Variants in BFAR observed in about 807,000 individuals in gnomAD.
The protein encoded by BFAR is bifunctional apoptosis regulator, also known as RING finger protein 47.
Under a neutral mutation model 54.4 loss-of-function variants are expected in BFAR, and 52 were observed. That is an observed-to-expected ratio of 0.96 (90% CI 0.77 to 1.21). The LOEUF is 1.21. Ranked by LOEUF, BFAR falls within the 50% of genes most tolerant of loss-of-function variation. BFAR has a pLI of 0.00. For synonymous variants in BFAR, 215 were observed against 204.3 expected (o/e 1.05, Z -0.45); for missense variants, 571 against 534.0 (o/e 1.07, Z -0.68).
At chr16:14,640,652 G>A (rs374738792) in intron 1 of BFAR, among the ~76,000 whole-genome samples, 78 of 152,330 alleles carry the variant, frequency 5.1e-4, no homozygotes, top group African/African-American at 1.8e-3. Flanking sequence ...CCAGGACACG[G>A]AAGATGGATG....
At position 14,661,875 on chromosome 16, in the gene BFAR, ACTCTT is replaced by A. The variant is rs768118496; in HGVS notation, c.784-13_784-9del. The A allele has an allele frequency of 1.2e-6, 2 of 1,613,572 alleles. No homozygotes were observed. Among genetic ancestry groups the A allele is most frequent in the Non-Finnish European group, 1.7e-6 (2 of 1,179,764 alleles). The stretch of plus-strand genomic sequence containing the variant: ...CGCCATGGTTGTAATGTGGCCCTGT[ACTCTT>A]CTCCTCTGCAGGCTGTGAACCCAGG... On this transcript the variant is annotated splice_polypyrimidine_tract_variant and intron_variant, in intron 5 of 7. Transcript: ENST00000261658.
intron 5 of BFAR, among the ~76,000 whole-genome samples, chr16:14,655,855 T>G (rs1321097166): frequency 6.6e-6 from 1 of 152,218 alleles, no homozygotes; most frequent in Admixed American, 6.5e-5. Context: ...GCATCTGCTC[T>G]TTAAGCCAGC....
Position 14,668,998 on chromosome 16 carries a change from C to T in BFAR, c.*1171C>T. On this transcript the variant is annotated 3_prime_UTR_variant, in exon 8 of 8. Transcript: ENST00000261658. The stretch of plus-strand genomic sequence containing the variant: ...CCAAGCGCTATAGTTATAAATATGG[C>T]ATGAAGTGAACTATGGCCTTTTATT... 2.2e-6 allele frequency: 1 copy of T among 449,436 alleles called. No homozygotes were observed. The highest frequency in any genetic ancestry group is 1.6e-5 in the South Asian group (1 of 63,148). The allele number at this position is 449,436 out of a possible 1,614,324, so 27.8% of individuals were successfully genotyped here. A position where few individuals can be genotyped will look rare whatever the true frequency, so the allele number is the denominator to read the frequency against.
At chr16:14,642,035 C>A (rs930127531) in intron 1 of BFAR, among the ~76,000 whole-genome samples, 1 of 152,100 alleles carries the variant, frequency 6.6e-6, no homozygotes, top group Non-Finnish European at 1.5e-5. Context: ...TGAGCCTCAC[C>A]GCTGGTAAAT....
intron 1 of BFAR, among the ~76,000 whole-genome samples, chr16:14,637,275 A>T (rs1268218928): frequency 6.6e-6 from 1 of 152,174 alleles, no homozygotes; most frequent in Non-Finnish European, 1.5e-5. Context: ...TAAAGGAGTA[A>T]ATCAGTCCTT....
chr16:14,660,966 C>T (rs553227368), intron 5 of BFAR, among the ~76,000 whole-genome samples: 4 of 152,144 alleles, frequency 2.6e-5, no homozygotes, highest in Non-Finnish European at 4.4e-5. Context: ...GAACTCCTGG[C>T]CTCAAGCAAT....
chr16:14,647,853 T>C (rs1393098771), intron 2 of BFAR, among the ~76,000 whole-genome samples: 1 of 152,260 alleles, frequency 6.6e-6, no homozygotes, highest in Non-Finnish European at 1.5e-5. Context: ...GATACTTCAT[T>C]GTATGAATAT....
intron 4 of BFAR, among the ~76,000 whole-genome samples, chr16:14,654,634 A>C (rs529584771): frequency 6.6e-6 from 1 of 151,492 alleles, no homozygotes; most frequent in African/African-American, 2.4e-5. Context: ...CAGCCTCCCA[A>C]GTAGCTGGGA....
chr16:14,642,622 G>T (rs1207653910), intron 1 of BFAR, among the ~76,000 whole-genome samples: 3 of 152,152 alleles, frequency 2.0e-5, no homozygotes, highest in Admixed American at 1.3e-4. Flanking sequence ...GGTTGATTTG[G>T]AGGGAAAGGG....
chr16:14,648,640 C>A, intron 3 of BFAR, 48 bp downstream of exon 3: 2 of 1,252,842 alleles, frequency 1.6e-6, no homozygotes, highest in Non-Finnish European at 2.2e-6. Flanking sequence ...CCTCACCCCC[C>A]GACCCCTGAT....
In BFAR at chr16:14,661,470, C is replaced by T. The variant is rs79128917; in HGVS notation, c.784-422C>T. 3.2e-5 allele frequency among the ~76,000 whole-genome samples: 4 copies of T among 123,244 alleles called. No homozygotes were observed. The East Asian group carries it at 1.0e-3, about 32-fold the overall frequency. The allele number at this position is 123,244 out of a possible 152,430, so 80.9% of individuals were successfully genotyped here. Reference sequence around the variant, plus strand: ...AGGCTGGAGTGCAGTGGTATGATCTCGGCACACTGCAACCTCCACCTCCCA... The same window carrying T: ...AGGCTGGAGTGCAGTGGTATGATCTTGGCACACTGCAACCTCCACCTCCCA... On this transcript the variant is annotated intron_variant, in intron 5 of 7. Coordinates refer to ENST00000261658, the MANE Select transcript of BFAR (RefSeq NM_016561.3).
intron 5 of BFAR, among the ~76,000 whole-genome samples, chr16:14,660,016 T>G (rs554713970): frequency 1.4e-4 from 22 of 152,312 alleles, no homozygotes; most frequent in Admixed American, 7.2e-4. Flanking sequence ...GTGTACGATG[T>G]GATAAGTTTT....
chr16:14,653,810 C>T (rs1332257617), intron 4 of BFAR, among the ~76,000 whole-genome samples: 1 of 151,650 alleles, frequency 6.6e-6, no homozygotes, highest in Non-Finnish European at 1.5e-5. Flanking sequence ...TGGGCTCAAG[C>T]AATCCTCTTG....
chr16:14,647,108 A>G (rs1959819135), intron 2 of BFAR, among the ~76,000 whole-genome samples: 1 of 151,040 alleles, frequency 6.6e-6, no homozygotes, highest in Admixed American at 6.6e-5. Context: ...TTTTTGAGAC[A>G]GAGTCTCGCT....
At chr16:14,647,655 T>TG (rs1959839887) in intron 2 of BFAR, among the ~76,000 whole-genome samples, 1 of 148,082 alleles carries the variant, frequency 6.8e-6, no homozygotes, top group Admixed American at 6.8e-5. Flanking sequence ...CCAGCCTGGG[T>TG]GACAGAGCAA....
chr16:14,636,337 C>G (rs147708352), intron 1 of BFAR, among the ~76,000 whole-genome samples: 1,818 of 152,294 alleles, frequency 0.012, 31 homozygotes, highest in Non-Finnish European at 0.016. Flanking sequence ...GGGTGTTTCT[C>G]AGAGAGGGGG....
chr16:14,654,266 C>T (rs1350662881), intron 4 of BFAR, among the ~76,000 whole-genome samples: 1 of 151,914 alleles, frequency 6.6e-6, no homozygotes, highest in African/African-American at 2.4e-5. Context: ...CCGCCTCGGC[C>T]TCCCAAAGTG....
Position 14,655,169 on chromosome 16 carries a change from G to A in BFAR, c.742G>A (p.Ala248Thr). 3 of 1,586,938 alleles carry A rather than the reference G, an allele frequency of 1.9e-6. No individual in the cohort carries two copies. Among genetic ancestry groups the A allele is most frequent in the Non-Finnish European group, 8.6e-7 (1 of 1,167,534 alleles). ...CCTCATGGAGCTAGAACGTGTCAAA[G>A]CATTAGGCGTGAAGCCCCCCCAGAA... ...AILMELERVK[A>T]LGVKPPQNLW... Residue 248 changes from alanine (A) to threonine (T), a missense_variant, in exon 5 of 8, where the codon GCA (alanine) becomes ACA (threonine). Coordinates refer to ENST00000261658, the MANE Select transcript of BFAR (RefSeq NM_016561.3).
intron 5 of BFAR, among the ~76,000 whole-genome samples, chr16:14,657,675 T>C (rs1009670908): frequency 6.6e-6 from 1 of 152,096 alleles, no homozygotes; most frequent in Non-Finnish European, 1.5e-5. Flanking sequence ...CCAGAGTAGC[T>C]AGGAATACAT....
Sources: allele counts gnomAD v4.1 joint callset (sites outside exome capture counted in the v4.1 genomes callset), GRCh38; gene constraint gnomAD v4.1.1; transcripts MANE v1.5; gene names NCBI Gene and HGNC (gene_info 2026-07-23, HGNC 2026-07-21).